CNTNAP5: variants seen among roughly 807,000 people sequenced by gnomAD.
CNTNAP5 encodes contactin-associated protein-like 5.
CNTNAP5 carries 72 observed loss-of-function variants against 150.2 expected under a neutral mutation model. That is an observed-to-expected ratio of 0.48 (90% CI 0.40 to 0.58). The LOEUF (loss-of-function observed/expected upper bound fraction) is 0.58. CNTNAP5 is among the 20% of genes least tolerant of loss of function. The pLI, the probability that CNTNAP5 is intolerant of heterozygous loss-of-function variation, is 0.00. For missense variants in CNTNAP5, 1,636 were observed against 1,626.2 expected, an observed-to-expected ratio of 1.01 and a Z score of -0.10; for synonymous variants, 672 against 619.8, an observed-to-expected ratio of 1.08 and a Z score of -1.25.
Position 124,865,350 on chromosome 2 carries a change from G to C in CNTNAP5, c.3262G>C (p.Val1088Leu). ...TCACCTAAACAAGGAAGAAACCCAT[G>C]TATTCACCATTGATGCAGATAACTT... The part of the protein sequence containing the change: ...RYHLNKEETH[V>L]FTIDADNFAN... Residue 1088 changes from valine (V) to leucine (L), a missense_variant, in exon 20 of 24, where the codon GTA becomes CTA. By Grantham distance (32) the Val-to-Leu change is conservative. Transcript: ENST00000682447. The C allele has an allele frequency of 6.4e-7, 1 of 1,564,834 alleles. No individual in the cohort carries two copies. The highest frequency in any genetic ancestry group is 1.2e-5 in the South Asian group (1 of 85,078).
At chr2:124,176,078 A>C (rs934274966) in intron 1 of CNTNAP5, among the ~76,000 whole-genome samples, 1 of 152,164 alleles carries the variant, frequency 6.6e-6, no homozygotes, top group African/African-American at 2.4e-5. Context: ...GAGAGCTCCA[A>C]AGTTTGCTAT....
intron 14 of CNTNAP5, among the ~76,000 whole-genome samples, chr2:124,753,040 T>C (rs146481672): frequency 1.4e-4 from 22 of 152,302 alleles, no homozygotes; most frequent in Admixed American, 2.6e-4. Context: ...AGAACATTCT[T>C]TTATTTATTT....
chr2:124,314,522 G>A (rs980072360), intron 3 of CNTNAP5, among the ~76,000 whole-genome samples: 1 of 152,106 alleles, frequency 6.6e-6, no homozygotes, highest in African/African-American at 2.4e-5. Context: ...AATGGATTTA[G>A]GGCCTTCACT....
At chr2:124,910,683 G>C (rs1203245412) in intron 22 of CNTNAP5, among the ~76,000 whole-genome samples, 1 of 151,914 alleles carries the variant, frequency 6.6e-6, no homozygotes, top group Non-Finnish European at 1.5e-5. Context: ...TTTCAATCTA[G>C]TTTCCTTATT....
intron 2 of CNTNAP5, among the ~76,000 whole-genome samples, chr2:124,240,834 C>T (rs1180809099): frequency 2.0e-5 from 3 of 152,120 alleles, no homozygotes; most frequent in African/African-American, 7.2e-5. Context: ...GTCTGCATTG[C>T]AGTCCTGTAC....
At chr2:124,873,543 A>G (rs1677794004) in intron 21 of CNTNAP5, among the ~76,000 whole-genome samples, 1 of 152,118 alleles carries the variant, frequency 6.6e-6, no homozygotes, top group African/African-American at 2.4e-5. Context: ...ACTCTGGTCT[A>G]TGAAAGTTCC....
chr2:124,880,993 A>C (rs1248579967), intron 21 of CNTNAP5, among the ~76,000 whole-genome samples: 1 of 152,140 alleles, frequency 6.6e-6, no homozygotes, highest in Admixed American at 6.5e-5. Context: ...CAAAGATAGT[A>C]GGATAGAAAC....
chr2:124,340,607 G>C (rs1030986893), intron 3 of CNTNAP5, among the ~76,000 whole-genome samples: 2 of 151,888 alleles, frequency 1.3e-5, no homozygotes, highest in African/African-American at 4.8e-5. Flanking sequence ...CAAAGTCCCA[G>C]TAATCTCTTG....
At chr2:124,583,403 G>A (rs1453831918) in intron 11 of CNTNAP5, among the ~76,000 whole-genome samples, 2 of 152,160 alleles carry the variant, frequency 1.3e-5, no homozygotes, top group African/African-American at 2.4e-5. Flanking sequence ...TCCCCTCACT[G>A]GATCTTAAAA....
At position 124,782,365 on chromosome 2, in the gene CNTNAP5, T is replaced by A. The variant is rs568910518; in HGVS notation, c.2753-7537T>A. 1.2e-4 allele frequency among the ~76,000 whole-genome samples: 18 copies of A among 152,350 alleles called. No individual in the cohort carries two copies. In the South Asian group the frequency reaches 3.5e-3, roughly 30 times the overall value. ...AGCCTCTAGATATTTCAGTATTTTA[T>A]CCTTGTTATTATTGTTATTCTAACT... On this transcript the variant is annotated intron_variant, in intron 17 of 23. Transcript: ENST00000682447.
intron 21 of CNTNAP5, among the ~76,000 whole-genome samples, chr2:124,897,813 T>C (rs950866888): frequency 3.3e-5 from 5 of 151,564 alleles, no homozygotes; most frequent in Admixed American, 1.3e-4. Context: ...TTATGTGTTT[T>C]GTCTTTCCAA....
intron 16 of CNTNAP5, among the ~76,000 whole-genome samples, chr2:124,770,804 C>G (rs904864198): frequency 2.0e-5 from 3 of 152,196 alleles, no homozygotes; most frequent in African/African-American, 7.2e-5. Context: ...ACAGCCATCA[C>G]CTGTTGAACA....
At chr2:124,889,474 A>G (rs1282825757) in intron 21 of CNTNAP5, among the ~76,000 whole-genome samples, 1 of 152,050 alleles carries the variant, frequency 6.6e-6, no homozygotes, top group Non-Finnish European at 1.5e-5. Context: ...CTACGTATGG[A>G]TAGTCAGCTA....
chr2:124,112,817 CA>C, intron 1 of CNTNAP5, among the ~76,000 whole-genome samples: 1 of 152,110 alleles, frequency 6.6e-6, no homozygotes, highest in East Asian at 1.9e-4. Context: ...ACTCTATAAA[CA>C]GAATGTATCA....
intron 1 of CNTNAP5, among the ~76,000 whole-genome samples, chr2:124,163,463 A>T (rs1313753188): frequency 6.6e-6 from 1 of 152,154 alleles, no homozygotes; most frequent in African/African-American, 2.4e-5. Context: ...TGCTTTGAGG[A>T]GTCAGGCATG....
chr2:124,802,921 G>A (rs995028097), intron 19 of CNTNAP5, among the ~76,000 whole-genome samples: 2 of 151,978 alleles, frequency 1.3e-5, no homozygotes, highest in Admixed American at 6.6e-5. Flanking sequence ...TCAGGAGATC[G>A]AGATCATCCT....
chr2:124,033,698 G>T (rs572896598), intron 1 of CNTNAP5, among the ~76,000 whole-genome samples: 1 of 152,326 alleles, frequency 6.6e-6, no homozygotes, highest in Non-Finnish European at 1.5e-5. Context: ...GTGCCACAGG[G>T]AACCTGGGAA....
chr2:124,446,692 T>A, intron 5 of CNTNAP5, 61 bp from the exon 6 acceptor site: 1 of 1,521,076 alleles, frequency 6.6e-7, no homozygotes, highest in Non-Finnish European at 9.0e-7. Context: ...TGTGGAGCAT[T>A]CTGGTGTGCA....
intron 3 of CNTNAP5, among the ~76,000 whole-genome samples, chr2:124,297,774 G>A (rs931911319): frequency 9.3e-5 from 14 of 150,646 alleles, no homozygotes; most frequent in African/African-American, 1.9e-4. Flanking sequence ...GCCACCCATC[G>A]GAGAACTACT....
Sources: gnomAD v4.1 joint callset for allele counts (sites outside exome capture counted in the v4.1 genomes callset) on GRCh38, gnomAD v4.1.1 for gene constraint, MANE v1.5 for transcripts, NCBI Gene and HGNC (gene_info 2026-07-23, HGNC 2026-07-21) for gene names.